The following PARD3B variants were observed in gnomAD, a reference collection of about 807,000 sequenced individuals.
PARD3B encodes the protein partitioning defective 3 homolog B.
A neutral mutation model predicts 130.2 loss-of-function variants in PARD3B; 103 were observed. That is an observed-to-expected ratio of 0.79 (90% CI 0.67 to 0.93). PARD3B has a LOEUF of 0.93. Ranked by LOEUF, PARD3B falls within the 40% of genes least tolerant of loss-of-function variation. The probability of loss-of-function intolerance (pLI) is 0.00; values close to 1 mark genes in which losing one functional copy is unlikely to be tolerated. For synonymous variants in PARD3B, 583 were observed against 553.2 expected, an observed-to-expected ratio of 1.05 and a Z score of -0.76; for missense variants, 1,609 against 1,499.2, an observed-to-expected ratio of 1.07 and a Z score of -1.21.
At chr2:205,285,470 A>G (rs1387366469) in intron 16 of PARD3B, among the ~76,000 whole-genome samples, 10 of 152,080 alleles carry the variant, frequency 6.6e-5, no homozygotes, top group Admixed American at 6.5e-4. Flanking sequence ...AGGGTCACTG[A>G]CTTCAGAGGC....
chr2:204,684,747 C>A (rs536260702), intron 1 of PARD3B, among the ~76,000 whole-genome samples: 1 of 152,180 alleles, frequency 6.6e-6, no homozygotes, highest in Non-Finnish European at 1.5e-5. Flanking sequence ...TCTTTGAGAT[C>A]TCTATCTGTG....
intron 2 of PARD3B, among the ~76,000 whole-genome samples, chr2:204,898,761 C>G (rs1285631428): frequency 6.6e-6 from 1 of 152,120 alleles, no homozygotes; most frequent in East Asian, 1.9e-4. Context: ...CTCTCTCTCT[C>G]TTTGTATCTA....
chr2:205,550,951 A>ATGTGTGTGTG lies in PARD3B; in HGVS notation c.3181-2368_3181-2367insGTGTGTGTGT, dbSNP rs369139099. ...TGTGTGTGTGTGTGTGTATATATAT[A>ATGTGTGTGTG]TGTGTATATATATATATATATATAT... On this transcript the variant is annotated intron_variant, in intron 21 of 22. Transcript: ENST00000406610. This position sits in a 1 kb window ranked among gnomAD's most constrained non-coding sequence, Gnocchi z 4.5. Among the ~76,000 whole-genome samples, 1 of 77,578 alleles carries ATGTGTGTGTG rather than the reference A, an allele frequency of 1.3e-5. No homozygotes were observed. Among genetic ancestry groups the ATGTGTGTGTG allele is most frequent in the African/African-American group, 4.4e-5 (1 of 22,478 alleles). 50.9% of individuals were successfully genotyped at this position (77,578 alleles called of 152,430 possible).
intron 3 of PARD3B, among the ~76,000 whole-genome samples, chr2:205,000,254 T>C (rs1270321621): frequency 6.6e-6 from 1 of 152,234 alleles, no homozygotes; most frequent in Non-Finnish European, 1.5e-5. Flanking sequence ...CTTGATTTGC[T>C]ACATTAGGCT....
At chr2:205,052,424 TATATATATATATATATATATATATATAA>T (rs1197514551) in intron 4 of PARD3B, among the ~76,000 whole-genome samples, 3 of 13,788 alleles carry the variant, frequency 2.2e-4, no homozygotes, top group Non-Finnish European at 1.6e-4. Context: ...TATATGTATA[TATATATATATATATATATATATATATAA>T]AATTAAAAAA....
chr2:204,863,256 C>G (rs1336374746), intron 2 of PARD3B, among the ~76,000 whole-genome samples: 2 of 152,138 alleles, frequency 1.3e-5, no homozygotes, highest in African/African-American at 4.8e-5. Flanking sequence ...CAGTCTGATG[C>G]TTGTTGAATG....
chr2:205,186,652 G>A (rs965064702), intron 14 of PARD3B, among the ~76,000 whole-genome samples: 1 of 152,074 alleles, frequency 6.6e-6, no homozygotes, highest in Non-Finnish European at 1.5e-5. Context: ...AAAGCAGCAT[G>A]CCTTAGAGTA....
chr2:205,535,049 C>A (rs185335391), intron 21 of PARD3B, among the ~76,000 whole-genome samples: 3 of 152,198 alleles, frequency 2.0e-5, no homozygotes, highest in African/African-American at 4.8e-5. Flanking sequence ...AAATGGAGTT[C>A]TTTTTTGCAT....
chr2:205,102,881 G>T (rs931447134), intron 4 of PARD3B, among the ~76,000 whole-genome samples: 1 of 151,820 alleles, frequency 6.6e-6, no homozygotes, highest in African/African-American at 2.4e-5. Context: ...TGGCTAACAC[G>T]GTGAAGCCCC....
intron 11 of PARD3B, among the ~76,000 whole-genome samples, chr2:205,165,695 GCAA>G (rs1576029491): frequency 1.3e-5 from 2 of 151,328 alleles, no homozygotes; most frequent in East Asian, 3.9e-4. Context: ...TCCAGCCGGA[GCAA>G]CAAGAGGGAG....
In PARD3B at chr2:204,673,456, C is replaced by T. The variant is rs1559047982; in HGVS notation, c.121-12725C>T. Among the ~76,000 whole-genome samples the T allele has an allele frequency of 1.3e-5, 2 of 152,176 alleles. No homozygotes were observed. Among genetic ancestry groups the T allele is most frequent in the African/African-American group, 4.8e-5 (2 of 41,458 alleles). On this transcript the variant is annotated intron_variant, in intron 1 of 22. Coordinates refer to ENST00000406610, the MANE Select transcript of PARD3B (RefSeq NM_001302769.2). This position sits in a 1 kb window ranked among gnomAD's most constrained non-coding sequence, Gnocchi z 4.7. Reference sequence around the variant, plus strand: ...TTTTTGCATCTCCACCAAGTTTATTCAACCTGACAAGCGAACTAGTTTTCC... The same window carrying T: ...TTTTTGCATCTCCACCAAGTTTATTTAACCTGACAAGCGAACTAGTTTTCC...
In PARD3B at chr2:204,664,323, A is replaced by T. The variant is rs974514542; in HGVS notation, c.121-21858A>T. ...TTTTTGTTTTTCAAGTAATGGAGAA[A>T]CCATATATTATTTTCATCTGGGAGT... On this transcript the variant is annotated intron_variant, in intron 1 of 22. Coordinates refer to ENST00000406610, the MANE Select transcript of PARD3B (RefSeq NM_001302769.2). The surrounding 1 kb of genome is among the most constrained non-coding windows in gnomAD (Gnocchi z 5.2). 3.3e-5 allele frequency among the ~76,000 whole-genome samples: 5 copies of T among 152,188 alleles called. No individual in the cohort carries two copies. Among genetic ancestry groups the T allele is most frequent in the Non-Finnish European group, 7.3e-5 (5 of 68,042 alleles).
chr2:204,912,134 A>C (rs1190138827), intron 2 of PARD3B, among the ~76,000 whole-genome samples: 3 of 152,156 alleles, frequency 2.0e-5, no homozygotes, highest in Non-Finnish European at 4.4e-5. Flanking sequence ...CATTTGGGTT[A>C]TTCATTTAAT....
At chr2:205,362,806 G>C (rs182924830) in intron 18 of PARD3B, among the ~76,000 whole-genome samples, 173 of 152,272 alleles carry the variant, frequency 1.1e-3, no homozygotes, top group African/African-American at 3.6e-3. Flanking sequence ...AAAGTTACAG[G>C]GTGCTGAAAT....
chr2:205,156,267 TGGGCGG>T, intron 10 of PARD3B, among the ~76,000 whole-genome samples: 1 of 1,224 alleles, frequency 8.2e-4, no homozygotes, highest in Non-Finnish European at 1.4e-3. Context: ...TGTTGTGGGG[TGGGCGG>T]GGGGGGGAGG....
chr2:204,650,666 AT>A (rs2035445851), intron 1 of PARD3B, among the ~76,000 whole-genome samples: 1 of 152,196 alleles, frequency 6.6e-6, no homozygotes, highest in South Asian at 2.1e-4. Flanking sequence ...CAAATACTGC[AT>A]GTTCTCACTT....
At chr2:205,414,940 G>C (rs945262005) in intron 19 of PARD3B, among the ~76,000 whole-genome samples, 1 of 151,730 alleles carries the variant, frequency 6.6e-6, no homozygotes, top group African/African-American at 2.4e-5. Context: ...GGTTGACTTT[G>C]TTTTAAAAAA....
In PARD3B at chr2:205,124,461, T is replaced by A. The variant is rs182457488; in HGVS notation, c.1300T>A (p.Leu434Met). 2.5e-6 allele frequency: 4 copies of A among 1,588,348 alleles called. No homozygotes were observed. The African/African-American group carries it at 5.4e-5, about 21-fold the overall frequency. The change falls in exon 9 of 23, where the codon TTG becomes ATG. Residue 434 changes from leucine (L) to methionine (M), a missense_variant. By Grantham distance (15) the Leu-to-Met change is conservative. Coordinates refer to ENST00000406610, the MANE Select transcript of PARD3B (RefSeq NM_001302769.2). ...CCGCCTACAATCAGGGGACAGAATT[T>A]TGGAGGTAAGAATTGGAATTAATAG... is the stretch of plus-strand genomic sequence containing the variant. The part of the protein sequence containing the change: ...DGRLQSGDRI[L>M]EVNGRDVTGR...
chr2:205,294,707 G>C (rs1451994618), intron 16 of PARD3B, among the ~76,000 whole-genome samples: 1 of 152,100 alleles, frequency 6.6e-6, no homozygotes, highest in Non-Finnish European at 1.5e-5. Context: ...ATTTTGATGT[G>C]AATTTCAGGA....
Sources: allele counts gnomAD v4.1 joint callset (sites outside exome capture counted in the v4.1 genomes callset), GRCh38; gene constraint gnomAD v4.1.1; non-coding constraint Gnocchi (gnomAD v3.1); transcripts MANE v1.5; gene names NCBI Gene and HGNC (gene_info 2026-07-23, HGNC 2026-07-21).